Variants in GFRA1 observed in about 807,000 individuals in gnomAD.
GFRA1 encodes the protein GDNF family receptor alpha 1, also known as GDNF family receptor alpha-1.
GFRA1 carries 16 observed loss-of-function variants against 51.6 expected under a neutral mutation model. That is an observed-to-expected ratio of 0.31 (90% CI 0.21 to 0.47). The LOEUF is 0.47. Ranked by LOEUF, GFRA1 falls within the 20% of genes least tolerant of loss-of-function variation. The probability of loss-of-function intolerance (pLI) is 1.00; values close to 1 mark genes in which losing one functional copy is unlikely to be tolerated. For synonymous variants in GFRA1, 270 were observed against 241.3 expected, an observed-to-expected ratio of 1.12 and a Z score of -1.10; for missense variants, 530 against 594.3, an observed-to-expected ratio of 0.89 and a Z score of 1.13.
chr10:116,142,461 C>T (rs1334699290), intron 5 of GFRA1, among the ~76,000 whole-genome samples: 2 of 152,152 alleles, frequency 1.3e-5, no homozygotes, highest in Non-Finnish European at 2.9e-5. Context: ...TCACAAAAAT[C>T]CCCAAGACCT....
chr10:116,136,600 C>A (rs529388471), intron 5 of GFRA1, among the ~76,000 whole-genome samples: 2 of 152,150 alleles, frequency 1.3e-5, no homozygotes, highest in Admixed American at 6.5e-5. Flanking sequence ...AAAAGGTATC[C>A]TTAAAATAAT....
intron 5 of GFRA1, among the ~76,000 whole-genome samples, chr10:116,180,223 T>C (rs1300791665): frequency 1.3e-5 from 2 of 152,326 alleles, no homozygotes; most frequent in African/African-American, 4.8e-5. Flanking sequence ...AATTCATACA[T>C]AGCTCAATTT....
intron 4 of GFRA1, among the ~76,000 whole-genome samples, chr10:116,241,157 G>T (rs1208811233): frequency 6.6e-6 from 1 of 151,922 alleles, no homozygotes; most frequent in African/African-American, 2.4e-5. Flanking sequence ...GTGTGTTTTT[G>T]CAAGCCAGTA....
At chr10:116,255,941 C>T (rs939249025) in intron 4 of GFRA1, 2 of 155,316 alleles carry the variant, frequency 1.3e-5, no homozygotes, top group African/African-American at 4.8e-5. Flanking sequence ...TCTGCGTGCA[C>T]TCAAATCATC....
intron 5 of GFRA1, among the ~76,000 whole-genome samples, chr10:116,173,211 C>T (rs1018436800): frequency 3.3e-5 from 5 of 152,276 alleles, no homozygotes; most frequent in South Asian, 4.1e-4. Flanking sequence ...CCTGAGCAGC[C>T]GTGGAGACTG....
At chr10:116,150,208 C>T (rs141533789) in intron 5 of GFRA1, among the ~76,000 whole-genome samples, 29 of 152,276 alleles carry the variant, frequency 1.9e-4, no homozygotes, top group African/African-American at 7.0e-4. Flanking sequence ...CTCCCACTAC[C>T]ACCACCCTCC....
At chr10:116,088,092 G>A (rs1956172634) in intron 9 of GFRA1, among the ~76,000 whole-genome samples, 1 of 152,130 alleles carries the variant, frequency 6.6e-6, no homozygotes, top group African/African-American at 2.4e-5. Context: ...TGTCTGGGAT[G>A]GAGAACCAGA....
chr10:116,112,967 G>A (rs576780115), intron 6 of GFRA1, among the ~76,000 whole-genome samples: 22 of 152,274 alleles, frequency 1.4e-4, no homozygotes, highest in Admixed American at 1.2e-3. Flanking sequence ...AAGTCTTCCA[G>A]CCCAAGATTA....
chr10:116,210,035 C>T lies in GFRA1; in HGVS notation c.433+1596G>A, dbSNP rs76247753. Among the ~76,000 whole-genome samples, 367 of 152,202 alleles carry T rather than the reference C, an allele frequency of 2.4e-3. 8 individuals carry two copies. The East Asian group carries it at 0.061, about 25-fold the overall frequency. ...ATCTCTGGCAGATGTTATTAAGTCTCGATAGCCAGTGATTTGTAGATGATT... is the reference window on the plus strand; with the variant it reads ...ATCTCTGGCAGATGTTATTAAGTCTTGATAGCCAGTGATTTGTAGATGATT... On this transcript the variant is annotated intron_variant, in intron 5 of 10. Coordinates refer to ENST00000355422, the MANE Select transcript of GFRA1 (RefSeq NM_005264.8).
chr10:116,108,120 C>T (rs1467194358), intron 6 of GFRA1, among the ~76,000 whole-genome samples: 3 of 152,120 alleles, frequency 2.0e-5, no homozygotes, highest in Admixed American at 6.5e-5. Flanking sequence ...TGCACAAGTT[C>T]GCTTTAAACA....
chr10:116,080,235 CA>C (rs1019494964), intron 9 of GFRA1, among the ~76,000 whole-genome samples: 8 of 152,176 alleles, frequency 5.3e-5, no homozygotes, highest in Non-Finnish European at 1.0e-4. Flanking sequence ...GCAAACACCC[CA>C]GGAAGCTCTT....
intron 5 of GFRA1, among the ~76,000 whole-genome samples, chr10:116,202,150 T>C (rs1964384762): frequency 6.6e-6 from 1 of 152,124 alleles, no homozygotes; most frequent in Non-Finnish European, 1.5e-5. Flanking sequence ...ACAAGCTCCA[T>C]CCTCTCTAGG....
At chr10:116,266,941 T>C (rs890819291) in intron 4 of GFRA1, among the ~76,000 whole-genome samples, 1 of 152,202 alleles carries the variant, frequency 6.6e-6, no homozygotes, top group Non-Finnish European at 1.5e-5. Flanking sequence ...TGCCTCATTA[T>C]ACAAATGAAA....
chr10:116,205,379 C>A (rs929094989), intron 5 of GFRA1, among the ~76,000 whole-genome samples: 1 of 151,882 alleles, frequency 6.6e-6, no homozygotes, highest in Middle Eastern at 3.2e-3. Context: ...AGATCAAGAC[C>A]ATCTCGCCAA....
intron 5 of GFRA1, among the ~76,000 whole-genome samples, chr10:116,171,132 A>T (rs1036617270): frequency 6.6e-6 from 1 of 152,246 alleles, no homozygotes; most frequent in Admixed American, 6.5e-5. Context: ...TAAGAGTGTT[A>T]GAGGTCCCAG....
chr10:116,200,978 C>G (rs775568273), intron 5 of GFRA1, among the ~76,000 whole-genome samples: 4 of 152,224 alleles, frequency 2.6e-5, no homozygotes, highest in Non-Finnish European at 2.9e-5. Flanking sequence ...TGCCACCCCA[C>G]AAACAATATG....
chr10:116,256,887 C>A (rs1021022305), intron 4 of GFRA1, among the ~76,000 whole-genome samples: 4 of 149,358 alleles, frequency 2.7e-5, no homozygotes, highest in African/African-American at 4.9e-5. Context: ...AAAGGCTGGA[C>A]AGCACCATCC....
At chr10:116,138,347 T>A (rs1327001119) in intron 5 of GFRA1, among the ~76,000 whole-genome samples, 1 of 150,400 alleles carries the variant, frequency 6.6e-6, no homozygotes, top group Admixed American at 6.6e-5. Context: ...AGACTTGGAA[T>A]TCGCTGACTT....
chr10:116,257,155 G>T (rs961975709), intron 4 of GFRA1, among the ~76,000 whole-genome samples: 1 of 152,176 alleles, frequency 6.6e-6, no homozygotes, highest in Non-Finnish European at 1.5e-5. Flanking sequence ...ATGAACCGTT[G>T]TCAGAGACCA....
Sources: gnomAD v4.1 joint callset for allele counts (sites outside exome capture counted in the v4.1 genomes callset) on GRCh38, gnomAD v4.1.1 for gene constraint, MANE v1.5 for transcripts, NCBI Gene and HGNC (gene_info 2026-07-23, HGNC 2026-07-21) for gene names.